The following HIGD1C variants were observed in gnomAD, a reference collection of about 807,000 sequenced individuals.
HIGD1C encodes the protein HIG1 domain family member 1C.
A neutral mutation model predicts 13.1 loss-of-function variants in HIGD1C; 11 were observed. That is an observed-to-expected ratio of 0.84 (90% CI 0.53 to 1.39). The LOEUF (loss-of-function observed/expected upper bound fraction) is 1.39, where lower values mean the gene tolerates loss of function less well. HIGD1C is among the 40% of genes most tolerant of loss of function. The probability of loss-of-function intolerance (pLI) is 0.00; values close to 1 mark genes in which losing one functional copy is unlikely to be tolerated. For missense variants in HIGD1C, 110 were observed against 112.0 expected (o/e 0.98, Z 0.08); for synonymous variants, 36 against 37.7 (o/e 0.95, Z 0.17).
Position 50,959,436 on chromosome 12 carries a change from A to C in HIGD1C, c.95-1532A>C, listed in dbSNP as rs1339868270. 2.0e-5 allele frequency among the ~76,000 whole-genome samples: 3 copies of C among 151,934 alleles called. No individual in the cohort carries two copies. In the East Asian group the frequency reaches 5.8e-4, roughly 29 times the overall value. On this transcript the variant is annotated intron_variant, in intron 1 of 2. Coordinates refer to ENST00000398455, the Ensembl canonical transcript of HIGD1C. Reference sequence around the variant, plus strand: ...TGCCCGGCCCCATATCCTCTTATAGATGTTATAAATACACTATTCTATTTT... The same window carrying C: ...TGCCCGGCCCCATATCCTCTTATAGCTGTTATAAATACACTATTCTATTTT...
At chr12:50,948,635 C>T in the HIGD1C span, among the ~76,000 whole-genome samples, 3 of 150,500 alleles carry the variant, frequency 2.0e-5, no homozygotes, top group South Asian at 2.1e-4. Context: ...TTTGGGAGGC[C>T]GAGGAGGGTG....
chr12:50,956,160 G>A (rs989455150), intron 1 of HIGD1C, among the ~76,000 whole-genome samples: 22 of 152,228 alleles, frequency 1.4e-4, no homozygotes, highest in African/African-American at 5.1e-4. Flanking sequence ...GGCAGGCCAA[G>A]GTGGGTGGAT....
At chr12:50,972,566 G>A (rs55871024), downstream of HIGD1C, among the ~76,000 whole-genome samples, 19,669 of 152,246 alleles carry the variant, frequency 0.13, 1,748 homozygotes, top group East Asian at 0.42. Flanking sequence ...CAGCATGAGC[G>A]ACACAGAAGA....
chr12:50,971,379 C>T (rs572174057), downstream of HIGD1C, among the ~76,000 whole-genome samples: 6 of 147,558 alleles, frequency 4.1e-5, no homozygotes, highest in South Asian at 2.3e-4. Flanking sequence ...ACTATTTTAC[C>T]GCAAACACAT....
chr12:50,954,659 C>A (rs1939023671), intron 1 of HIGD1C, among the ~76,000 whole-genome samples: 1 of 150,970 alleles, frequency 6.6e-6, no homozygotes, highest in South Asian at 2.1e-4. Context: ...TCAGGAGGTG[C>A]AGGTTGCGGT....
At chr12:50,972,047 C>G (rs1325283159), downstream of HIGD1C, among the ~76,000 whole-genome samples, 5 of 152,200 alleles carry the variant, frequency 3.3e-5, no homozygotes, top group East Asian at 1.9e-4. Flanking sequence ...AATCCAACTG[C>G]TTTATTCCAT....
intron 2 of HIGD1C, among the ~76,000 whole-genome samples, chr12:50,965,894 C>A (rs754488344): frequency 1.7e-4 from 26 of 152,142 alleles, no homozygotes; most frequent in Admixed American, 7.9e-4. Flanking sequence ...GATTTCTGGG[C>A]CTGTGAAAAT....
chr12:50,960,759 T>C (rs968691041), intron 1 of HIGD1C, among the ~76,000 whole-genome samples: 11 of 152,130 alleles, frequency 7.2e-5, no homozygotes, highest in South Asian at 2.1e-4. Context: ...CACAGCTCAC[T>C]GAAGCCCTGA....
the HIGD1C span, among the ~76,000 whole-genome samples, chr12:50,942,751 C>T: frequency 1.6e-3 from 239 of 152,188 alleles, no homozygotes; most frequent in Non-Finnish European, 3.1e-3. Context: ...GTGGTCCCAG[C>T]TACTCAGGAG....
intron 2 of HIGD1C, among the ~76,000 whole-genome samples, chr12:50,967,574 C>T (rs544775557): frequency 6.6e-6 from 1 of 152,234 alleles, no homozygotes; most frequent in Non-Finnish European, 1.5e-5. Context: ...CCATGCCTGG[C>T]CTAATGGGTG....
exon 1 of HIGD1C, chr12:50,953,945 T>G: frequency 9.3e-7 from 1 of 1,077,034 alleles, no homozygotes; most frequent in Non-Finnish European, 1.4e-6. Context: ...AAACAAATTA[T>G]TTTTAATGAT....
chr12:50,953,811 G>T, upstream of HIGD1C: 1 of 521,362 alleles, frequency 1.9e-6, no homozygotes, highest in South Asian at 2.6e-5. Context: ...CCCTTCCCCT[G>T]CAAAATGAAA....
intron 2 of HIGD1C, among the ~76,000 whole-genome samples, chr12:50,962,529 A>C (rs987271788): frequency 6.6e-6 from 1 of 151,910 alleles, no homozygotes; most frequent in Non-Finnish European, 1.5e-5. Flanking sequence ...GTGAAACCCT[A>C]TCTCTACTAA....
At chr12:50,948,898 GGA>G in the HIGD1C span, among the ~76,000 whole-genome samples, 1 of 1,774 alleles carries the variant, frequency 5.6e-4, no homozygotes, top group Non-Finnish European at 1.2e-3. Context: ...AGGGGGAGGG[GGA>G]GGGGGGAGGG....
chr12:50,951,572 G>C (rs1938896949), upstream of HIGD1C, among the ~76,000 whole-genome samples: 1 of 152,046 alleles, frequency 6.6e-6, no homozygotes, highest in African/African-American at 2.4e-5. Flanking sequence ...AGTTGGGGGA[G>C]GGGACGGGAA....
chr12:50,942,164 G>A, the HIGD1C span, among the ~76,000 whole-genome samples: 3 of 151,944 alleles, frequency 2.0e-5, no homozygotes, highest in South Asian at 2.1e-4. Context: ...TTACAGGCGT[G>A]AGCCACCGCA....
At chr12:50,972,361 T>C (rs916592648), downstream of HIGD1C, among the ~76,000 whole-genome samples, 5 of 152,226 alleles carry the variant, frequency 3.3e-5, no homozygotes, top group Admixed American at 1.3e-4. Context: ...AGTATTCATT[T>C]GTTAAGAGTA....
At chr12:50,956,964 C>T (rs1939117728) in intron 1 of HIGD1C, among the ~76,000 whole-genome samples, 1 of 151,648 alleles carries the variant, frequency 6.6e-6, no homozygotes, top group Admixed American at 6.6e-5. Context: ...CCTGTTTCCT[C>T]ATATGTCTAC....
chr12:50,961,038 G>A (rs1326130611), exon 2 of HIGD1C: 1 of 1,613,380 alleles, frequency 6.2e-7, no homozygotes, highest in Admixed American at 1.7e-5. Flanking sequence ...ATCAGAAAAT[G>A]TCAATTCATC....
Sources: allele counts gnomAD v4.1 joint callset (sites outside exome capture counted in the v4.1 genomes callset), GRCh38; gene constraint gnomAD v4.1.1; transcripts MANE v1.5; gene names NCBI Gene and HGNC (gene_info 2026-07-23, HGNC 2026-07-21).